PPP2R2A: variants seen among roughly 807,000 people sequenced by gnomAD.
PPP2R2A encodes the protein serine/threonine-protein phosphatase 2A 55 kDa regulatory subunit B alpha isoform.
In PPP2R2A, 9 loss-of-function variants were observed where a neutral mutation model predicts 53.2. The observed-to-expected ratio is 0.17, with a 90% CI of 0.10 to 0.30. The LOEUF (loss-of-function observed/expected upper bound fraction) is 0.30, where lower values mean the gene tolerates loss of function less well. PPP2R2A is among the 10% of genes least tolerant of loss of function. The probability of loss-of-function intolerance (pLI) is 1.00; values close to 1 mark genes in which losing one functional copy is unlikely to be tolerated. For missense variants in PPP2R2A, 235 were observed against 534.6 expected (o/e 0.44, Z 5.53); for synonymous variants, 169 against 174.2 (o/e 0.97, Z 0.23).
chr8:26,331,612 C>A (rs188528789), intron 2 of PPP2R2A, among the ~76,000 whole-genome samples: 1 of 152,094 alleles, frequency 6.6e-6, no homozygotes, highest in Admixed American at 6.5e-5. Context: ...TAGAAAGATA[C>A]GAGTTATTAT....
In PPP2R2A at chr8:26,360,261, A is replaced by G. The variant is rs779159658; in HGVS notation, c.439A>G (p.Thr147Ala). The change falls in exon 5 of 10, where the codon ACT (threonine) becomes GCT (alanine). Residue 147 changes from threonine (T) to alanine (A), a missense_variant. Physicochemically the swap from Thr to Ala is moderately conservative, Grantham distance 58 (BLOSUM62 0). Around this residue, in one of 3 missense-constraint regions of PPP2R2A, gnomAD observed 181 missense variants for 409.9 expected, o/e 0.44. Coordinates refer to ENST00000380737, the MANE Select transcript of PPP2R2A (RefSeq NM_002717.4). The surrounding 1 kb of genome is among the most constrained non-coding windows in gnomAD (Gnocchi z 4.5). Reference protein sequence around the residue: ...KEEDGRYRDPTTVTTLRVPVF... With the variant: ...KEEDGRYRDPATVTTLRVPVF... ...GGAGGATGGAAGGTATAGAGATCCT[A>G]CTACAGTTACTACACTACGAGTAAG... is the stretch of plus-strand genomic sequence containing the variant. 16 of 1,594,464 alleles carry G rather than the reference A, an allele frequency of 1.0e-5. No individual in the cohort carries two copies. The highest frequency in any genetic ancestry group is 1.3e-5 in the Non-Finnish European group (15 of 1,164,658).
In PPP2R2A at chr8:26,347,149, G is replaced by A. The variant is rs1023705100; in HGVS notation, c.181-7319G>A. 6.6e-5 allele frequency among the ~76,000 whole-genome samples: 10 copies of A among 151,854 alleles called. 1 individual carries two copies. The South Asian group carries it at 8.3e-4, about 13-fold the overall frequency. Reference sequence around the variant, plus strand: ...ATATTTTATGAACTTCAAAGGGAAAGAGACACAAGTAGTAAAATGAATCTT... The same window carrying A: ...ATATTTTATGAACTTCAAAGGGAAAAAGACACAAGTAGTAAAATGAATCTT... On this transcript the variant is annotated intron_variant, in intron 3 of 9. Transcript: ENST00000380737.
intron 2 of PPP2R2A, among the ~76,000 whole-genome samples, chr8:26,324,901 C>G (rs1370430152): frequency 6.6e-6 from 1 of 151,816 alleles, no homozygotes; most frequent in Non-Finnish European, 1.5e-5. Flanking sequence ...TTTGACTGGC[C>G]TGCTGGATTT....
chr8:26,342,347 G>A (rs978914868), intron 3 of PPP2R2A, among the ~76,000 whole-genome samples: 2 of 152,162 alleles, frequency 1.3e-5, no homozygotes, highest in Admixed American at 1.3e-4. Context: ...AAATGATAGG[G>A]TATATTCTTT....
chr8:26,315,313 T>C (rs180999842), intron 2 of PPP2R2A, among the ~76,000 whole-genome samples: 5 of 152,206 alleles, frequency 3.3e-5, no homozygotes, highest in African/African-American at 9.6e-5. Context: ...CCGCAGTCAG[T>C]ATCTCTAGAT....
chr8:26,352,670 CTA>C (rs1225190728), intron 3 of PPP2R2A, among the ~76,000 whole-genome samples: 1 of 152,164 alleles, frequency 6.6e-6, no homozygotes, highest in Non-Finnish European at 1.5e-5. Flanking sequence ...CCATATACCT[CTA>C]TGATTTTGTT....
chr8:26,329,386 T>TC (rs1159736183), intron 2 of PPP2R2A, among the ~76,000 whole-genome samples: 1 of 152,240 alleles, frequency 6.6e-6, no homozygotes, highest in Non-Finnish European at 1.5e-5. Flanking sequence ...TACCTTTTTT[T>TC]CAACTCCTTA....
intron 2 of PPP2R2A, among the ~76,000 whole-genome samples, chr8:26,314,830 C>G (rs996521668): frequency 1.5e-5 from 2 of 129,334 alleles, no homozygotes; most frequent in Non-Finnish European, 3.2e-5. Context: ...TTCATTTGTT[C>G]TTTCTGGAAC....
intron 2 of PPP2R2A, among the ~76,000 whole-genome samples, chr8:26,328,978 G>T (rs1219087422): frequency 6.6e-6 from 1 of 152,168 alleles, no homozygotes; most frequent in East Asian, 1.9e-4. Flanking sequence ...TGTTCCAGGG[G>T]TGAGATTTCA....
chr8:26,346,215 A>G (rs976993697), intron 3 of PPP2R2A, among the ~76,000 whole-genome samples: 6 of 151,918 alleles, frequency 3.9e-5, no homozygotes, highest in South Asian at 4.2e-4. Context: ...ATCTCAGCTC[A>G]CTGCAACTTC....
intron 2 of PPP2R2A, among the ~76,000 whole-genome samples, chr8:26,323,313 A>T (rs1802934448): frequency 6.6e-6 from 1 of 152,232 alleles, no homozygotes; most frequent in Non-Finnish European, 1.5e-5. Flanking sequence ...ATTCATCTGT[A>T]AGTTTTTCTC....
chr8:26,293,474 C>CT (rs1369196351), intron 1 of PPP2R2A, 192 bp from the exon 2 acceptor site: 19 of 691,922 alleles, frequency 2.7e-5, no homozygotes, highest in South Asian at 6.2e-5. Flanking sequence ...TACCTGGAAT[C>CT]TTTTTTTTCT....
intron 3 of PPP2R2A, among the ~76,000 whole-genome samples, chr8:26,340,479 A>C (rs976662781): frequency 6.6e-6 from 1 of 152,044 alleles, no homozygotes; most frequent in East Asian, 1.9e-4. Flanking sequence ...CTTTACTTTT[A>C]TTTTAAAGAA....
In PPP2R2A at chr8:26,291,703, C is replaced by CCCCCCCGG; in HGVS notation, c.-117_-116insCCCCCCGG. 1.2e-6 allele frequency: 1 copy of CCCCCCCGG among 825,252 alleles called. No homozygotes were observed. The highest frequency in any genetic ancestry group is 1.7e-5 in the South Asian group (1 of 60,526). 51.1% of individuals were successfully genotyped at this position (825,252 alleles called of 1,614,324 possible). On this transcript the variant is annotated 5_prime_UTR_variant, in exon 1 of 10. Transcript: ENST00000380737. ...CCCCCCGGCCCCCGTCCCCTCCCCC[C>CCCCCCCGG]GCAGGTGCCATCCGCCGCCATCCGC...
At chr8:26,311,544 A>G (rs945365414) in intron 2 of PPP2R2A, among the ~76,000 whole-genome samples, 2 of 152,114 alleles carry the variant, frequency 1.3e-5, no homozygotes, top group African/African-American at 4.8e-5. Flanking sequence ...TGGTGCAAGC[A>G]TGTAATCCCA....
chr8:26,357,337 G>GT (rs1446991916), intron 4 of PPP2R2A, among the ~76,000 whole-genome samples: 2 of 144,864 alleles, frequency 1.4e-5, no homozygotes, highest in Admixed American at 1.4e-4. Flanking sequence ...GTGGGAGAAT[G>GT]ATGGAAAATA....
At chr8:26,349,958 A>G (rs1256309170) in intron 3 of PPP2R2A, among the ~76,000 whole-genome samples, 1 of 152,370 alleles carries the variant, frequency 6.6e-6, no homozygotes, top group East Asian at 1.9e-4. Context: ...TGTGAACAGT[A>G]TATAAATTTT....
chr8:26,336,577 C>A (rs1399147739), intron 2 of PPP2R2A, among the ~76,000 whole-genome samples: 1 of 152,012 alleles, frequency 6.6e-6, no homozygotes. Context: ...AAGGTTTCTT[C>A]CTTATTAGAA....
At chr8:26,348,927 T>G (rs1016231692) in intron 3 of PPP2R2A, among the ~76,000 whole-genome samples, 3 of 152,226 alleles carry the variant, frequency 2.0e-5, no homozygotes, top group Admixed American at 2.0e-4. Flanking sequence ...CATATCACTT[T>G]GTAATGTTTA....
Sources: allele counts gnomAD v4.1 joint callset (sites outside exome capture counted in the v4.1 genomes callset), GRCh38; gene constraint gnomAD v4.1.1; regional missense constraint gnomAD v4.1.1; non-coding constraint Gnocchi (gnomAD v3.1); transcripts MANE v1.5; gene names NCBI Gene and HGNC (gene_info 2026-07-23, HGNC 2026-07-21).